Variants in GPM6A observed in about 807,000 individuals in gnomAD.
GPM6A encodes the protein neuronal membrane glycoprotein M6-a.
In GPM6A, 7 loss-of-function variants were observed where a neutral mutation model predicts 32.1. The observed-to-expected ratio is 0.22, with a 90% CI of 0.12 to 0.41. The LOEUF (loss-of-function observed/expected upper bound fraction) is 0.41. Ranked by LOEUF, GPM6A falls within the 10% of genes least tolerant of loss-of-function variation. The pLI is 1.00. For missense variants in GPM6A, 235 were observed against 347.2 expected (o/e 0.68, Z 2.57); for synonymous variants, 130 against 123.4 (o/e 1.05, Z -0.35).
chr4:175,799,819 C>T (rs976322186), intron 1 of GPM6A, among the ~76,000 whole-genome samples: 8 of 150,824 alleles, frequency 5.3e-5, no homozygotes, highest in Admixed American at 1.3e-4. Context: ...GGACTACAGG[C>T]GCCCGCCACC....
intron 1 of GPM6A, among the ~76,000 whole-genome samples, chr4:175,917,793 A>C (rs1738541185): frequency 6.6e-6 from 1 of 152,086 alleles, no homozygotes; most frequent in African/African-American, 2.4e-5. Context: ...ATCTCAACTT[A>C]AGGAGAAAAA....
At chr4:175,714,555 A>C (rs1404625481) in intron 1 of GPM6A, among the ~76,000 whole-genome samples, 2 of 144,102 alleles carry the variant, frequency 1.4e-5, no homozygotes, top group Admixed American at 7.3e-5. Context: ...GGTCACCAAG[A>C]CTTTCAATGC....
intron 1 of GPM6A, among the ~76,000 whole-genome samples, chr4:175,949,149 A>G (rs1561007629): frequency 1.3e-5 from 2 of 152,246 alleles, no homozygotes; most frequent in South Asian, 2.1e-4. Flanking sequence ...ACTCAGAAAT[A>G]TCAAAAGGAG....
intron 2 of GPM6A, among the ~76,000 whole-genome samples, chr4:175,697,359 A>C (rs1398648487): frequency 1.3e-5 from 2 of 151,878 alleles, no homozygotes; most frequent in Non-Finnish European, 2.9e-5. Flanking sequence ...CAGTAATAAC[A>C]CCTTTCCAAA....
chr4:175,847,474 C>A (rs1279180859), intron 1 of GPM6A, among the ~76,000 whole-genome samples: 1 of 152,114 alleles, frequency 6.6e-6, no homozygotes, highest in African/African-American at 2.4e-5. Flanking sequence ...TTTGATCAGC[C>A]TCTCCATGCT....
At chr4:175,915,408 T>G (rs1348103295) in intron 1 of GPM6A, among the ~76,000 whole-genome samples, 1 of 151,900 alleles carries the variant, frequency 6.6e-6, no homozygotes, top group African/African-American at 2.4e-5. Flanking sequence ...TGCCTCAGCC[T>G]CCTGAGTATC....
intron 1 of GPM6A, among the ~76,000 whole-genome samples, chr4:175,863,085 G>C (rs1454935028): frequency 6.6e-6 from 1 of 151,762 alleles, no homozygotes; most frequent in Non-Finnish European, 1.5e-5. Flanking sequence ...CTGTATTAAA[G>C]GTTAATTGAA....
At chr4:175,793,231 A>G (rs1270195038) in intron 1 of GPM6A, among the ~76,000 whole-genome samples, 1 of 152,206 alleles carries the variant, frequency 6.6e-6, no homozygotes. Flanking sequence ...GCTTCATACA[A>G]TATGAATGCT....
chr4:175,665,990 C>G (rs567549830), intron 3 of GPM6A, among the ~76,000 whole-genome samples: 13 of 150,294 alleles, frequency 8.6e-5, no homozygotes, highest in Non-Finnish European at 1.9e-4. Flanking sequence ...ATGATCTCGG[C>G]TCACTGCAAC....
intron 1 of GPM6A, among the ~76,000 whole-genome samples, chr4:175,881,712 G>A (rs969915237): frequency 3.3e-5 from 5 of 152,222 alleles, no homozygotes; most frequent in African/African-American, 1.2e-4. Context: ...GATGAAGCTG[G>A]AAACCATCAT....
chr4:175,769,813 G>C (rs2111229253), intron 1 of GPM6A, among the ~76,000 whole-genome samples: 1 of 152,152 alleles, frequency 6.6e-6, no homozygotes, highest in East Asian at 1.9e-4. Context: ...AAAAGTTAAT[G>C]TCCAGAAAAT....
At chr4:175,894,095 T>C (rs895516187) in intron 1 of GPM6A, among the ~76,000 whole-genome samples, 1 of 152,176 alleles carries the variant, frequency 6.6e-6, no homozygotes, top group Non-Finnish European at 1.5e-5. Context: ...GTTGTCTCAG[T>C]GTGGCTGATA....
intron 1 of GPM6A, among the ~76,000 whole-genome samples, chr4:175,835,301 T>G (rs1027291879): frequency 1.3e-5 from 2 of 152,136 alleles, no homozygotes; most frequent in African/African-American, 2.4e-5. Context: ...TTTTATTAAC[T>G]TTAGTATACC....
chr4:175,694,981 C>A (rs926830799), intron 2 of GPM6A, among the ~76,000 whole-genome samples: 2 of 152,176 alleles, frequency 1.3e-5, no homozygotes, highest in Non-Finnish European at 2.9e-5. Flanking sequence ...GCTAAAAGAC[C>A]CCCAAGTATA....
chr4:175,759,901 T>C (rs944028568), intron 1 of GPM6A, among the ~76,000 whole-genome samples: 1 of 152,114 alleles, frequency 6.6e-6, no homozygotes, highest in African/African-American at 2.4e-5. Context: ...TAAATCTGGC[T>C]GGGTGCAGTG....
chr4:175,637,064 T>C (rs1336028025), intron 6 of GPM6A, among the ~76,000 whole-genome samples: 2 of 68,186 alleles, frequency 2.9e-5, no homozygotes, highest in Non-Finnish European at 5.4e-5. Context: ...AAAATATTTG[T>C]AATATAAAAA....
At chr4:175,868,830 C>T (rs993761577) in intron 1 of GPM6A, among the ~76,000 whole-genome samples, 1 of 152,316 alleles carries the variant, frequency 6.6e-6, no homozygotes, top group South Asian at 2.1e-4. Flanking sequence ...TGATCCACTT[C>T]TCTGGAAGTT....
intron 1 of GPM6A, among the ~76,000 whole-genome samples, chr4:175,722,028 C>A (rs987994885): frequency 1.6e-4 from 25 of 151,956 alleles, no homozygotes; most frequent in Non-Finnish European, 1.5e-5. Flanking sequence ...GTCCCATGCC[C>A]ATAATTCTAG....
intron 1 of GPM6A, among the ~76,000 whole-genome samples, chr4:175,770,516 C>T (rs145396202): frequency 6.6e-6 from 1 of 152,178 alleles, no homozygotes; most frequent in Non-Finnish European, 1.5e-5. Flanking sequence ...CTTATAACTT[C>T]CATTTTGATC....
Sources: allele counts gnomAD v4.1 joint callset (sites outside exome capture counted in the v4.1 genomes callset), GRCh38; gene constraint gnomAD v4.1.1; transcripts MANE v1.5; gene names NCBI Gene and HGNC (gene_info 2026-07-23, HGNC 2026-07-21).